The following RNF169 variants were observed in gnomAD, a reference collection of about 807,000 sequenced individuals.
The protein encoded by RNF169 is E3 ubiquitin-protein ligase RNF169.
Under a neutral mutation model 53.9 loss-of-function variants are expected in RNF169, and 24 were observed. That is an observed-to-expected ratio of 0.45 (90% confidence interval 0.32 to 0.63). The LOEUF (loss-of-function observed/expected upper bound fraction) is 0.63. Ranked by LOEUF, RNF169 falls within the 20% of genes least tolerant of loss-of-function variation. The pLI is 0.04. For missense variants in RNF169, 883 were observed against 906.2 expected (o/e 0.97, Z 0.33); for synonymous variants, 396 against 363.5 (o/e 1.09, Z -1.02).
At chr11:74,756,649 G>A (rs1176300467) in intron 1 of RNF169, among the ~76,000 whole-genome samples, 1 of 152,146 alleles carries the variant, frequency 6.6e-6, no homozygotes, top group Non-Finnish European at 1.5e-5. Flanking sequence ...ATAAAGATGA[G>A]AGAGGGAAAT....
At chr11:74,763,414 C>A (rs1403535874) in intron 1 of RNF169, among the ~76,000 whole-genome samples, 1 of 152,022 alleles carries the variant, frequency 6.6e-6, no homozygotes, top group African/African-American at 2.4e-5. Flanking sequence ...AAGAGAGTGA[C>A]AATTTGAGAG....
intron 1 of RNF169, among the ~76,000 whole-genome samples, chr11:74,781,566 C>T (rs557804): frequency 0.23 from 34,402 of 152,094 alleles, 4,069 homozygotes; most frequent in South Asian, 0.38. Flanking sequence ...TATTTGTACA[C>T]ATATATATCT....
intron 4 of RNF169, chr11:74,830,767 C>T (rs900412766): frequency 2.6e-5 from 4 of 152,104 alleles, no homozygotes; most frequent in Non-Finnish European, 5.9e-5. Flanking sequence ...AAAAATTCTT[C>T]AGCAAAAATA....
chr11:74,763,762 G>C (rs1434567750), intron 1 of RNF169, among the ~76,000 whole-genome samples: 1 of 152,256 alleles, frequency 6.6e-6, no homozygotes, highest in African/African-American at 2.4e-5. Flanking sequence ...TGTGGAATTT[G>C]AAGAGAAGAT....
At chr11:74,755,390 C>G (rs2034965861) in intron 1 of RNF169, among the ~76,000 whole-genome samples, 1 of 152,112 alleles carries the variant, frequency 6.6e-6, no homozygotes, top group Non-Finnish European at 1.5e-5. Context: ...AGTTGCCTAC[C>G]TTGAATTAAT....
chr11:74,824,773 A>C (rs1219241166), intron 4 of RNF169, among the ~76,000 whole-genome samples: 3 of 152,260 alleles, frequency 2.0e-5, no homozygotes, highest in Non-Finnish European at 4.4e-5. Flanking sequence ...TTTGTAAAAA[A>C]AATGCAATAT....
intron 1 of RNF169, among the ~76,000 whole-genome samples, chr11:74,784,767 G>A (rs964995580): frequency 3.9e-5 from 6 of 152,152 alleles, no homozygotes; most frequent in Non-Finnish European, 7.4e-5. Context: ...TAAGGAGGGT[G>A]GGAACCCTCC....
At chr11:74,759,128 A>G (rs1359144205) in intron 1 of RNF169, among the ~76,000 whole-genome samples, 8 of 116,258 alleles carry the variant, frequency 6.9e-5, no homozygotes, top group Non-Finnish European at 1.1e-4. Context: ...GTTGGTGTAT[A>G]AGAATGCTTG....
intron 5 of RNF169, 69 bp from the exon 6 acceptor site, chr11:74,835,477 T>C: frequency 1.6e-6 from 2 of 1,225,084 alleles, no homozygotes; most frequent in Non-Finnish European, 2.3e-6. Flanking sequence ...TCCACCATCA[T>C]AAAGGAATGA....
chr11:74,757,137 TCCCTCCC>T (rs2034996961), intron 1 of RNF169, among the ~76,000 whole-genome samples: 2 of 102,408 alleles, frequency 2.0e-5, no homozygotes, highest in African/African-American at 8.2e-5. Context: ...CCCAATGCTA[TCCCTCCC>T]CCCTCCCCCC....
chr11:74,833,878 A>G (rs947005590), intron 4 of RNF169, among the ~76,000 whole-genome samples: 14 of 152,160 alleles, frequency 9.2e-5, no homozygotes, highest in African/African-American at 3.4e-4. Flanking sequence ...ATACCCACAT[A>G]CAAAAGGATA....
chr11:74,836,085 T>C lies in RNF169; in HGVS notation c.1482T>C (p.Thr494=). 6.2e-7 allele frequency: 1 copy of C among 1,614,212 alleles called. No homozygotes were observed. Among genetic ancestry groups the C allele is most frequent in the Non-Finnish European group, 8.5e-7 (1 of 1,180,038 alleles). ...LSGGQVLSEY[T]GPTSADLDHF... ...GTGGGCAGGTCCTCTCTGAGTATACTGGACCCACCTCTGCTGATCTTGATC... is the reference window on the plus strand; with the variant it reads ...GTGGGCAGGTCCTCTCTGAGTATACCGGACCCACCTCTGCTGATCTTGATC... The change falls in exon 6 of 6, where the codon ACT becomes ACC. Residue 494 remains threonine (T), a synonymous_variant. Coordinates refer to ENST00000299563, the MANE Select transcript of RNF169 (RefSeq NM_001098638.2).
rs1307566152 is a variant in RNF169 at position 74,837,867 on chromosome 11, A to G, written c.*1137A>G. 2 of 152,212 alleles carry G rather than the reference A, an allele frequency of 1.3e-5. No individual in the cohort carries two copies. Among genetic ancestry groups the G allele is most frequent in the African/African-American group, 2.4e-5 (1 of 41,452 alleles). 9.4% of individuals were successfully genotyped at this position (152,212 alleles called of 1,614,324 possible). On this transcript the variant is annotated 3_prime_UTR_variant, in exon 6 of 6. Transcript: ENST00000299563. ...GCAGCTGACACCATGTGTCTTTTGC[A>G]TCCCTGGTGGTGCTTGGTGCTTCTG...
At chr11:74,830,757 A>G (rs929084240) in intron 4 of RNF169, 3 of 152,202 alleles carry the variant, frequency 2.0e-5, no homozygotes, top group African/African-American at 7.2e-5. Flanking sequence ...GAATATAGAT[A>G]AAAATTCTTC....
chr11:74,769,439 T>C (rs1676300467), intron 1 of RNF169, among the ~76,000 whole-genome samples: 1 of 152,216 alleles, frequency 6.6e-6, no homozygotes, highest in East Asian at 1.9e-4. Flanking sequence ...TCTAGTAAGG[T>C]TGAAGAGATA....
chr11:74,817,674 G>T lies in RNF169; in HGVS notation c.802G>T (p.Val268Phe), dbSNP rs1266430986. 1 of 1,613,864 alleles carries T rather than the reference G, an allele frequency of 6.2e-7. No homozygotes were observed. The highest frequency in any genetic ancestry group is 1.3e-5 in the African/African-American group (1 of 75,050). Reference protein sequence around the residue: ...QMTQTHRSAFVSKNNSYSLAF... With the variant: ...QMTQTHRSAFFSKNNSYSLAF... ...GACACAGACACATCGCTCGGCATTT[G>T]TTTCCAAGAACAACTCCTACTCCTT... Residue 268 changes from valine (V) to phenylalanine (F), a missense_variant, in exon 4 of 6, where the codon GTT becomes TTT. By Grantham distance (50) the Val-to-Phe change is conservative. Transcript: ENST00000299563.
rs778073174 is a variant in RNF169 at position 74,834,664 on chromosome 11, A to T, written c.843-12A>T. Reference sequence around the variant, plus strand: ...AATTTTGACTACTCGTTTTTTATTTATTCTTTTTTAGGAAGCTAAACTCCA... The same window carrying T: ...AATTTTGACTACTCGTTTTTTATTTTTTCTTTTTTAGGAAGCTAAACTCCA... On this transcript the variant is annotated splice_polypyrimidine_tract_variant and intron_variant, in intron 4 of 5. Coordinates refer to ENST00000299563, the MANE Select transcript of RNF169 (RefSeq NM_001098638.2). The T allele has an allele frequency of 6.3e-7, 1 of 1,597,062 alleles. No homozygotes were observed. The highest frequency in any genetic ancestry group is 1.8e-5 in the Admixed American group (1 of 56,572).
At chr11:74,810,119 GTAAAA>G in intron 2 of RNF169, 60 bp from the exon 3 acceptor site, 1 of 1,416,774 alleles carries the variant, frequency 7.1e-7, no homozygotes, top group Non-Finnish European at 9.7e-7. Flanking sequence ...AAACTACAGA[GTAAAA>G]TATGTTTTTA....
chr11:74,820,187 C>T (rs755770476), intron 4 of RNF169, among the ~76,000 whole-genome samples: 2 of 152,146 alleles, frequency 1.3e-5, no homozygotes, highest in Non-Finnish European at 2.9e-5. Context: ...TATTGGAATA[C>T]TAGCTTCAGG....
Sources: gnomAD v4.1 joint callset for allele counts (sites outside exome capture counted in the v4.1 genomes callset) on GRCh38, gnomAD v4.1.1 for gene constraint, MANE v1.5 for transcripts, NCBI Gene and HGNC (gene_info 2026-07-23, HGNC 2026-07-21) for gene names.